JAK1: variants seen among roughly 807,000 people sequenced by gnomAD.
The protein encoded by JAK1 is Janus kinase 1, also known as tyrosine-protein kinase JAK1.
In JAK1, 16 loss-of-function variants were observed where a neutral mutation model predicts 136.6. That is an observed-to-expected ratio of 0.12 (90% CI 0.08 to 0.18). JAK1 has a LOEUF of 0.18. Ranked by LOEUF, JAK1 falls within the 10% of genes least tolerant of loss-of-function variation. JAK1 has a pLI of 1.00. For synonymous variants in JAK1, 492 were observed against 519.5 expected (o/e 0.95, Z 0.72); for missense variants, 859 against 1,450.1 (o/e 0.59, Z 6.62).
At chr1:64,906,764 T>A (rs948187115) in intron 1 of JAK1, among the ~76,000 whole-genome samples, 17 of 152,204 alleles carry the variant, frequency 1.1e-4, no homozygotes, top group Admixed American at 9.2e-4. Context: ...ATATGACTCA[T>A]AGAGCAAGTA....
At chr1:64,893,043 G>A (rs1644963165) in intron 1 of JAK1, among the ~76,000 whole-genome samples, 1 of 152,144 alleles carries the variant, frequency 6.6e-6, no homozygotes, top group Non-Finnish European at 1.5e-5. Context: ...CAAGGGCCAT[G>A]CTTTGGGCTG....
chr1:64,851,965 T>C (rs879770715), intron 11 of JAK1, among the ~76,000 whole-genome samples: 6 of 152,200 alleles, frequency 3.9e-5, no homozygotes, highest in Non-Finnish European at 8.8e-5. Flanking sequence ...AGAACATCTG[T>C]AGAACAGCCA....
intron 2 of JAK1, among the ~76,000 whole-genome samples, chr1:64,998,236 G>T (rs1158674999): frequency 1.3e-5 from 2 of 152,132 alleles, no homozygotes; most frequent in African/African-American, 2.4e-5. Context: ...TCTCCAAAGA[G>T]ATAGAGAAAA....
At chr1:64,913,657 A>G (rs1389950731) in intron 1 of JAK1, among the ~76,000 whole-genome samples, 4 of 17,890 alleles carry the variant, frequency 2.2e-4, no homozygotes, top group African/African-American at 6.8e-4. Context: ...GGAAGGAAAG[A>G]AGGAAGGAAG....
At chr1:64,916,696 G>A (rs543352894) in intron 1 of JAK1, among the ~76,000 whole-genome samples, 2 of 152,138 alleles carry the variant, frequency 1.3e-5, no homozygotes, top group South Asian at 4.2e-4. Flanking sequence ...AAATTAGCCA[G>A]GTGTGGTGGC....
chr1:64,965,775 T>C (rs1646362797), intron 1 of JAK1, among the ~76,000 whole-genome samples: 1 of 149,906 alleles, frequency 6.7e-6, no homozygotes, highest in Non-Finnish European at 1.5e-5. Flanking sequence ...GGAGGGGGCG[T>C]TTCCCGAGTT....
chr1:64,862,322 T>G (rs571903697), intron 8 of JAK1, among the ~76,000 whole-genome samples: 1 of 152,218 alleles, frequency 6.6e-6, no homozygotes, highest in Non-Finnish European at 1.5e-5. Context: ...CTAACAGCTC[T>G]GTGACCTTGG....
intron 1 of JAK1, among the ~76,000 whole-genome samples, chr1:64,964,697 G>A (rs1280500022): frequency 6.6e-6 from 1 of 152,278 alleles, no homozygotes; most frequent in East Asian, 1.9e-4. Flanking sequence ...CAGAAACTAA[G>A]ACTCAGTCAA....
At chr1:64,850,477 C>T (rs1655516082) in intron 12 of JAK1, among the ~76,000 whole-genome samples, 1 of 152,200 alleles carries the variant, frequency 6.6e-6, no homozygotes, top group Non-Finnish European at 1.5e-5. Context: ...CTGCAGGCAG[C>T]GAGGTGTGAT....
At chr1:64,855,834 T>C (rs1655895788) in intron 10 of JAK1, 136 bp from the exon 11 acceptor site, 2 of 672,374 alleles carry the variant, frequency 3.0e-6, no homozygotes, top group Non-Finnish European at 4.8e-6. Flanking sequence ...TCTAAAATTA[T>C]TCAAAAATAA....
At chr1:64,889,972 C>G (rs528474426) in intron 1 of JAK1, among the ~76,000 whole-genome samples, 2 of 152,252 alleles carry the variant, frequency 1.3e-5, no homozygotes, top group Non-Finnish European at 2.9e-5. Flanking sequence ...AACCATCACA[C>G]CTACAATGAA....
intron 2 of JAK1, among the ~76,000 whole-genome samples, chr1:65,042,217 T>C (rs919132319): frequency 6.6e-6 from 1 of 152,162 alleles, no homozygotes; most frequent in Non-Finnish European, 1.5e-5. Context: ...CTAGAGATGA[T>C]TGAAAGTATA....
upstream of JAK1, among the ~76,000 whole-genome samples, chr1:64,969,124 T>G (rs537676334): frequency 6.7e-6 from 1 of 150,350 alleles, no homozygotes; most frequent in African/African-American, 2.4e-5. Context: ...AAAAAAAAAA[T>G]AAGTATATGC....
chr1:64,964,545 G>A (rs767017567), intron 1 of JAK1, among the ~76,000 whole-genome samples: 4 of 152,152 alleles, frequency 2.6e-5, no homozygotes, highest in African/African-American at 7.2e-5. Context: ...TCTAATTTAT[G>A]CATTCTCTAC....
chr1:65,021,578 T>C (rs1276691532), intron 2 of JAK1, among the ~76,000 whole-genome samples: 2 of 152,190 alleles, frequency 1.3e-5, no homozygotes, highest in African/African-American at 2.4e-5. Context: ...CACTTTTCCA[T>C]TCACCAGAAC....
At chr1:64,954,524 A>G (rs185619775) in intron 1 of JAK1, among the ~76,000 whole-genome samples, 61 of 152,124 alleles carry the variant, frequency 4.0e-4, no homozygotes, top group Non-Finnish European at 8.0e-4. Context: ...CCAAACCCAC[A>G]TCATGATTCC....
intron 11 of JAK1, among the ~76,000 whole-genome samples, chr1:64,854,116 A>G (rs1345707068): frequency 6.6e-6 from 1 of 152,204 alleles, no homozygotes; most frequent in African/African-American, 2.4e-5. Context: ...TATCTGATCA[A>G]GAACACAAGT....
At chr1:65,006,681 T>A (rs1174289319) in intron 2 of JAK1, among the ~76,000 whole-genome samples, 1 of 152,206 alleles carries the variant, frequency 6.6e-6, no homozygotes, top group East Asian at 1.9e-4. Context: ...ATATCTGATT[T>A]CATATTTCCC....
chr1:65,038,074 G>A (rs1293910275), intron 2 of JAK1, among the ~76,000 whole-genome samples: 4 of 152,100 alleles, frequency 2.6e-5, no homozygotes, highest in African/African-American at 4.8e-5. Context: ...CCCTTCTTAC[G>A]TGGGAATGTT....
Sources: gnomAD v4.1 joint callset for allele counts (sites outside exome capture counted in the v4.1 genomes callset) on GRCh38, gnomAD v4.1.1 for gene constraint, MANE v1.5 for transcripts, NCBI Gene and HGNC (gene_info 2026-07-23, HGNC 2026-07-21) for gene names.